Variants in MARK1 observed in about 807,000 individuals in gnomAD.
The protein encoded by MARK1 is serine/threonine-protein kinase MARK1.
A neutral mutation model predicts 96.3 loss-of-function variants in MARK1; 40 were observed. The observed-to-expected ratio is 0.42, with a 90% CI of 0.32 to 0.54. The LOEUF is 0.54. Among genes scored for constraint, MARK1 ranks in the 20% least tolerant of loss-of-function variants. The pLI is 0.16. For synonymous variants in MARK1, 317 were observed against 341.2 expected (o/e 0.93, Z 0.78); for missense variants, 719 against 984.6 (o/e 0.73, Z 3.61).
Position 220,599,726 on chromosome 1 carries a change from A to G in MARK1, c.359-72A>G, listed in dbSNP as rs1053469610. The stretch of plus-strand genomic sequence containing the variant: ...TCAAATTTTCTACTAGTTTAGTGTT[A>G]CCTTAGATTTTCTTAAAGCATATTC... On this transcript the variant is annotated intron_variant, in intron 4 of 17. Transcript: ENST00000366917. 48 of 769,880 alleles carry G rather than the reference A, an allele frequency of 6.2e-5. No homozygotes were observed. In the Middle Eastern group the frequency reaches 2.1e-3, roughly 33 times the overall value. The allele number at this position is 769,880 out of a possible 1,614,324, so 47.7% of individuals were successfully genotyped here. A position where few individuals can be genotyped will look rare whatever the true frequency, so the allele number is the denominator to read the frequency against.
At chr1:220,541,317 T>C (rs907147194) in intron 1 of MARK1, among the ~76,000 whole-genome samples, 1 of 152,102 alleles carries the variant, frequency 6.6e-6, no homozygotes, top group African/African-American at 2.4e-5. Context: ...CCCATAAGTT[T>C]TGCTGTTGTA....
chr1:220,610,140 G>C (rs1265724364), intron 6 of MARK1, among the ~76,000 whole-genome samples: 1 of 152,198 alleles, frequency 6.6e-6, no homozygotes, highest in African/African-American at 2.4e-5. Flanking sequence ...ATCCTAAAGA[G>C]TGTTTTCCAA....
intron 6 of MARK1, among the ~76,000 whole-genome samples, chr1:220,614,114 C>T (rs547298871): frequency 1.3e-5 from 2 of 152,020 alleles, no homozygotes; most frequent in South Asian, 2.1e-4. Flanking sequence ...CTCAAGAAAT[C>T]CTCCTGCCTC....
intron 1 of MARK1, among the ~76,000 whole-genome samples, chr1:220,574,769 C>T (rs1663719220): frequency 6.6e-6 from 1 of 152,122 alleles, no homozygotes; most frequent in Non-Finnish European, 1.5e-5. Flanking sequence ...TTCCCTACTC[C>T]TTTAATAAAA....
chr1:220,573,363 G>T (rs139559041), intron 1 of MARK1, among the ~76,000 whole-genome samples: 1 of 151,720 alleles, frequency 6.6e-6, no homozygotes, highest in Non-Finnish European at 1.5e-5. Flanking sequence ...TCGCTTTGTC[G>T]CCCAGGCTGG....
chr1:220,577,131 A>G (rs1399525724), intron 1 of MARK1, among the ~76,000 whole-genome samples: 1 of 152,016 alleles, frequency 6.6e-6, no homozygotes, highest in Non-Finnish European at 1.5e-5. Context: ...CAGTTAAAAA[A>G]GTAGCCAGGG....
chr1:220,651,370 A>T lies in MARK1; in HGVS notation c.1572-616A>T, dbSNP rs1668862797. Among the ~76,000 whole-genome samples, 5 of 152,160 alleles carry T rather than the reference A, an allele frequency of 3.3e-5. No individual in the cohort carries two copies. The South Asian group carries it at 1.0e-3, about 32-fold the overall frequency. On this transcript the variant is annotated intron_variant, in intron 14 of 17. Coordinates refer to ENST00000366917, the MANE Select transcript of MARK1 (RefSeq NM_018650.5). The stretch of plus-strand genomic sequence containing the variant: ...TCTCACATTTGTTTCTTCTCACTTA[A>T]TAAGAATGTAAAGTAAGTGCTATTG...
At chr1:220,597,359 C>T (rs1010480003) in intron 3 of MARK1, among the ~76,000 whole-genome samples, 6 of 152,064 alleles carry the variant, frequency 3.9e-5, no homozygotes, top group Admixed American at 1.3e-4. Flanking sequence ...GTTCCAGTCT[C>T]TCCACATCCC....
At chr1:220,613,002 C>T (rs193113144) in intron 6 of MARK1, among the ~76,000 whole-genome samples, 16 of 152,186 alleles carry the variant, frequency 1.1e-4, no homozygotes, top group Admixed American at 7.2e-4. Flanking sequence ...GCAAAGTAAC[C>T]GTGATAACTC....
chr1:220,638,082 C>T (rs114011732), intron 13 of MARK1, among the ~76,000 whole-genome samples: 1,702 of 150,896 alleles, frequency 0.011, 29 homozygotes, highest in African/African-American at 0.04. Flanking sequence ...TCTACCTGAT[C>T]TGTTTAGAAA....
chr1:220,651,886 TAGTC>T (rs1045468965), intron 14 of MARK1, 96 bp from the exon 15 acceptor site: 51 of 824,984 alleles, frequency 6.2e-5, no homozygotes, highest in African/African-American at 1.9e-4. Flanking sequence ...TGAAAGGTGT[TAGTC>T]AGTTTAGATT....
At chr1:220,584,154 A>AC (rs1431609948) in intron 3 of MARK1, among the ~76,000 whole-genome samples, 2 of 152,160 alleles carry the variant, frequency 1.3e-5, no homozygotes, top group African/African-American at 4.8e-5. Context: ...GCTTACAGTC[A>AC]CCAGAGTGCA....
At chr1:220,566,722 G>A (rs998433549) in intron 1 of MARK1, among the ~76,000 whole-genome samples, 6 of 152,074 alleles carry the variant, frequency 3.9e-5, no homozygotes, top group Non-Finnish European at 8.8e-5. Context: ...ACAAATTCAG[G>A]CATAATCTAC....
In MARK1 at chr1:220,662,192, G is replaced by A; in HGVS notation, c.*26G>A. 6.5e-7 allele frequency: 1 copy of A among 1,545,944 alleles called. No homozygotes were observed. The highest frequency in any genetic ancestry group is 8.8e-7 in the Non-Finnish European group (1 of 1,130,702). The stretch of plus-strand genomic sequence containing the variant: ...AGAAGTCCAAATTTACAGGTTCAGG[G>A]AAGATACATACATATATGAGGTACA... On this transcript the variant is annotated 3_prime_UTR_variant, in exon 18 of 18. Coordinates refer to ENST00000366917, the MANE Select transcript of MARK1 (RefSeq NM_018650.5).
chr1:220,543,031 T>G (rs944100512), intron 1 of MARK1, among the ~76,000 whole-genome samples: 5 of 152,198 alleles, frequency 3.3e-5, no homozygotes, highest in African/African-American at 4.8e-5. Context: ...ATTTGAAAAT[T>G]TACTAGATTT....
chr1:220,575,115 A>G (rs1164018501), intron 1 of MARK1, among the ~76,000 whole-genome samples: 1 of 152,196 alleles, frequency 6.6e-6, no homozygotes, highest in Non-Finnish European at 1.5e-5. Context: ...CAGGAATTTG[A>G]GTCTGGTGCT....
At chr1:220,597,234 G>C (rs1483042091) in intron 3 of MARK1, among the ~76,000 whole-genome samples, 1 of 152,056 alleles carries the variant, frequency 6.6e-6, no homozygotes, top group Non-Finnish European at 1.5e-5. Flanking sequence ...CATATACCCA[G>C]AAGTAGAATT....
chr1:220,533,926 C>T (rs1660501586), intron 1 of MARK1, among the ~76,000 whole-genome samples: 1 of 152,096 alleles, frequency 6.6e-6, no homozygotes, highest in Non-Finnish European at 1.5e-5. Flanking sequence ...GTACTCCAAT[C>T]TGTAGTATAA....
chr1:220,579,009 A>G (rs553500123), intron 1 of MARK1, among the ~76,000 whole-genome samples: 1 of 151,890 alleles, frequency 6.6e-6, no homozygotes, highest in South Asian at 2.1e-4. Flanking sequence ...CAACCGGCTA[A>G]TTTTTGTGTT....
Sources: gnomAD v4.1 joint callset for allele counts (sites outside exome capture counted in the v4.1 genomes callset) on GRCh38, gnomAD v4.1.1 for gene constraint, MANE v1.5 for transcripts, NCBI Gene and HGNC (gene_info 2026-07-23, HGNC 2026-07-21) for gene names.